The following EYA1 variants were observed in gnomAD, a reference collection of about 807,000 sequenced individuals.
The protein encoded by EYA1 is EYA transcriptional coactivator and phosphatase 1.
In EYA1, 16 loss-of-function variants were observed where a neutral mutation model predicts 82.0. The ratio of observed to expected loss-of-function variants is 0.20; its 90% CI spans 0.13 to 0.30. The LOEUF is 0.30. Ranked by LOEUF, EYA1 falls within the 10% of genes least tolerant of loss-of-function variation. The probability of loss-of-function intolerance (pLI) is 1.00; values close to 1 mark genes in which losing one functional copy is unlikely to be tolerated. For missense variants in EYA1, 633 were observed against 730.7 expected, an observed-to-expected ratio of 0.87 and a Z score of 1.54; for synonymous variants, 261 against 264.4, an observed-to-expected ratio of 0.99 and a Z score of 0.12.
At chr8:71,233,561 C>T (rs1421015212) in intron 12 of EYA1, among the ~76,000 whole-genome samples, 2 of 134,476 alleles carry the variant, frequency 1.5e-5, no homozygotes, top group Non-Finnish European at 3.1e-5. Flanking sequence ...GAGACTCCGT[C>T]TCAAAAAAAA....
intron 2 of EYA1, among the ~76,000 whole-genome samples, chr8:71,508,777 A>G (rs1318668579): frequency 6.6e-6 from 1 of 152,144 alleles, no homozygotes; most frequent in Non-Finnish European, 1.5e-5. Flanking sequence ...TCCATTTTTA[A>G]AGCCACCTCA....
intron 2 of EYA1, among the ~76,000 whole-genome samples, chr8:71,498,659 C>T (rs981640067): frequency 3.3e-5 from 5 of 152,146 alleles, no homozygotes; most frequent in Non-Finnish European, 7.3e-5. Flanking sequence ...AGGGTTCCAA[C>T]AACCATAGAT....
intron 3 of EYA1, among the ~76,000 whole-genome samples, chr8:71,335,658 C>A (rs1385911395): frequency 1.3e-5 from 2 of 152,136 alleles, no homozygotes; most frequent in Non-Finnish European, 2.9e-5. Flanking sequence ...CTTCCCTCTC[C>A]ATGACACCAG....
At chr8:71,332,400 G>A (rs910545288) in intron 4 of EYA1, among the ~76,000 whole-genome samples, 5 of 152,116 alleles carry the variant, frequency 3.3e-5, no homozygotes, top group Admixed American at 1.3e-4. Context: ...TTTGTCAACC[G>A]TGCTCCTCTT....
At chr8:71,357,684 TAAG>T (rs551904023) in intron 1 of EYA1, among the ~76,000 whole-genome samples, 67 of 152,336 alleles carry the variant, frequency 4.4e-4, no homozygotes, top group African/African-American at 1.4e-3. Flanking sequence ...ATTTATGAAA[TAAG>T]AAATACTACC....
intron 11 of EYA1, among the ~76,000 whole-genome samples, chr8:71,257,841 CA>C (rs1276822788): frequency 2.6e-5 from 4 of 152,112 alleles, no homozygotes; most frequent in Non-Finnish European, 5.9e-5. Flanking sequence ...AGAAACATTT[CA>C]TTTAAGGCTC....
intron 2 of EYA1, among the ~76,000 whole-genome samples, chr8:71,419,742 C>T (rs909652173): frequency 8.6e-5 from 13 of 151,900 alleles, no homozygotes; most frequent in African/African-American, 3.1e-4. Flanking sequence ...GTTTTAAATA[C>T]ACACTTTACT....
intron 1 of EYA1, among the ~76,000 whole-genome samples, chr8:71,543,744 C>T (rs1815336576): frequency 6.6e-6 from 1 of 152,080 alleles, no homozygotes; most frequent in African/African-American, 2.4e-5. Context: ...AAAAACATAT[C>T]CTTGCTTTAA....
intron 7 of EYA1, 63 bp downstream of exon 7, chr8:71,317,489 C>G: frequency 6.5e-7 from 1 of 1,543,938 alleles, no homozygotes; most frequent in Non-Finnish European, 9.0e-7. Flanking sequence ...ACATCAGGTT[C>G]TACTTTAGAA....
chr8:71,397,962 A>G (rs987765984), intron 2 of EYA1, among the ~76,000 whole-genome samples: 3 of 152,056 alleles, frequency 2.0e-5, no homozygotes, highest in African/African-American at 7.2e-5. Context: ...ACATAGTTCC[A>G]TATTTCTTGG....
intron 9 of EYA1, 36 bp downstream of exon 9, chr8:71,299,011 T>C (rs1485838061): frequency 6.3e-7 from 1 of 1,593,348 alleles, no homozygotes; most frequent in Admixed American, 1.7e-5. Context: ...CCATTGAAAA[T>C]ATCACCTGCA....
chr8:71,416,521 GA>G (rs1220111687), intron 2 of EYA1, among the ~76,000 whole-genome samples: 1 of 152,186 alleles, frequency 6.6e-6, no homozygotes, highest in Non-Finnish European at 1.5e-5. Flanking sequence ...GGAAAAAAAT[GA>G]AAGATAGCAG....
intron 11 of EYA1, among the ~76,000 whole-genome samples, chr8:71,264,878 G>T (rs1261431770): frequency 2.0e-5 from 3 of 152,046 alleles, no homozygotes; most frequent in African/African-American, 7.2e-5. Context: ...CCACCATGCT[G>T]GGCCAAATTC....
chr8:71,344,999 C>T (rs1476085150), intron 3 of EYA1, among the ~76,000 whole-genome samples: 1 of 152,188 alleles, frequency 6.6e-6, no homozygotes, highest in Admixed American at 6.5e-5. Context: ...ACCTCAAGTA[C>T]TCCAAATACC....
upstream of EYA1, among the ~76,000 whole-genome samples, chr8:71,365,685 C>G (rs891111455): frequency 2.6e-5 from 4 of 152,066 alleles, no homozygotes; most frequent in Non-Finnish European, 4.4e-5. Flanking sequence ...CTTTATGGAG[C>G]CTTTGGAACC....
chr8:71,444,462 T>A (rs891518242), intron 2 of EYA1, among the ~76,000 whole-genome samples: 2 of 152,170 alleles, frequency 1.3e-5, no homozygotes, highest in African/African-American at 4.8e-5. Flanking sequence ...GATGGTGACC[T>A]AGAAAGGTTT....
chr8:71,492,186 C>A (rs535849148), intron 2 of EYA1, among the ~76,000 whole-genome samples: 1 of 152,118 alleles, frequency 6.6e-6, no homozygotes, highest in Non-Finnish European at 1.5e-5. Context: ...AAATGGGCCT[C>A]GGTAACTGCC....
intron 11 of EYA1, among the ~76,000 whole-genome samples, chr8:71,268,064 T>C (rs1023901260): frequency 4.6e-5 from 7 of 152,228 alleles, no homozygotes; most frequent in Admixed American, 4.6e-4. Flanking sequence ...AAGTTCCATG[T>C]GTAAGCCAAT....
In EYA1 at chr8:71,372,482, A is replaced by G. The variant is rs748151449; in HGVS notation, c.34-15971T>C. Reference sequence around the variant, plus strand: ...GCTAACAGAGGGTGTGTTCCATTAAATTTAGGAAGCAAACCTCCTTTACAA... The same window carrying G: ...GCTAACAGAGGGTGTGTTCCATTAAGTTTAGGAAGCAAACCTCCTTTACAA... On this transcript the variant is annotated intron_variant, in intron 2 of 18. Coordinates refer to the EYA1 transcript ENST00000643681. Among the ~76,000 whole-genome samples, 2 of 152,160 alleles carry G rather than the reference A, an allele frequency of 1.3e-5. 1 individual carries two copies. Among genetic ancestry groups the G allele is most frequent in the South Asian group, 4.1e-4 (2 of 4,832 alleles).
Sources: allele counts gnomAD v4.1 joint callset (sites outside exome capture counted in the v4.1 genomes callset), GRCh38; gene constraint gnomAD v4.1.1; transcripts MANE v1.5; gene names NCBI Gene and HGNC (gene_info 2026-07-23, HGNC 2026-07-21).